GRIK2: variants seen among roughly 807,000 people sequenced by gnomAD.
GRIK2 encodes the protein glutamate receptor ionotropic, kainate 2.
Under a neutral mutation model 100.3 loss-of-function variants are expected in GRIK2, and 32 were observed. The observed-to-expected ratio is 0.32, with a 90% CI of 0.24 to 0.43. The LOEUF is 0.43. GRIK2 is among the 20% of genes least tolerant of loss of function. GRIK2 has a pLI of 1.00. For synonymous variants in GRIK2, 417 were observed against 389.4 expected (o/e 1.07, Z -0.83); for missense variants, 843 against 1,114.9 (o/e 0.76, Z 3.47).
intron 12 of GRIK2, among the ~76,000 whole-genome samples, chr6:101,906,366 C>CTGTGTGTG (rs141112872): frequency 1.0e-3 from 150 of 145,928 alleles, no homozygotes; most frequent in Non-Finnish European, 2.0e-3. Flanking sequence ...AAAACAAGAT[C>CTGTGTGTG]TGTGTGTGTG....
chr6:101,921,403 CAA>C (rs1213946845), intron 12 of GRIK2, among the ~76,000 whole-genome samples: 1 of 151,826 alleles, frequency 6.6e-6, no homozygotes, highest in Non-Finnish European at 1.5e-5. Flanking sequence ...TTTGGGGAAA[CAA>C]ATAATTGTAT....
intron 11 of GRIK2, among the ~76,000 whole-genome samples, chr6:101,875,167 T>A (rs780798600): frequency 3.3e-5 from 5 of 152,096 alleles, no homozygotes; most frequent in Non-Finnish European, 7.4e-5. Context: ...CATCCCTGCC[T>A]TGTGTAAACT....
chr6:101,587,588 C>T (rs1778441128), intron 2 of GRIK2, among the ~76,000 whole-genome samples: 1 of 151,930 alleles, frequency 6.6e-6, no homozygotes, highest in African/African-American at 2.4e-5. Context: ...GATTGGAAAC[C>T]ACAGTTAATT....
chr6:101,671,159 A>G (rs1437835216), intron 4 of GRIK2, among the ~76,000 whole-genome samples: 1 of 152,180 alleles, frequency 6.6e-6, no homozygotes, highest in Non-Finnish European at 1.5e-5. Flanking sequence ...GGAACAATTT[A>G]GGGGTAATCT....
At chr6:101,666,329 G>A (rs1770026914) in intron 4 of GRIK2, among the ~76,000 whole-genome samples, 1 of 152,190 alleles carries the variant, frequency 6.6e-6, no homozygotes. Flanking sequence ...CTGTAACAAT[G>A]TGCATGTAGT....
At chr6:101,702,354 A>G (rs776086420) in intron 7 of GRIK2, among the ~76,000 whole-genome samples, 6 of 151,956 alleles carry the variant, frequency 3.9e-5, no homozygotes, top group Non-Finnish European at 8.8e-5. Flanking sequence ...ACATTAATAC[A>G]TTTAGGAATA....
intron 2 of GRIK2, among the ~76,000 whole-genome samples, chr6:101,497,103 G>T (rs1360535755): frequency 1.3e-5 from 2 of 151,982 alleles, no homozygotes; most frequent in African/African-American, 4.8e-5. Context: ...ACACCCCAAG[G>T]TACTGTCTTT....
intron 14 of GRIK2, among the ~76,000 whole-genome samples, chr6:101,968,558 T>C (rs369408472): frequency 6.6e-6 from 1 of 152,030 alleles, no homozygotes; most frequent in East Asian, 1.9e-4. Flanking sequence ...TCCAGCACTC[T>C]ACAATATGAA....
chr6:102,034,224 A>G, intron 14 of GRIK2, among the ~76,000 whole-genome samples: 1 of 151,292 alleles, frequency 6.6e-6, no homozygotes, highest in Non-Finnish European at 1.5e-5. Flanking sequence ...GTAAATCATA[A>G]GGTACTTATT....
chr6:101,883,705 C>G (rs1486582224), intron 11 of GRIK2, among the ~76,000 whole-genome samples: 5 of 151,946 alleles, frequency 3.3e-5, no homozygotes, highest in Non-Finnish European at 5.9e-5. Flanking sequence ...AAAGAATAAG[C>G]CATTTGTGTG....
chr6:101,718,227 G>A (rs1774204100), intron 7 of GRIK2, among the ~76,000 whole-genome samples: 1 of 151,734 alleles, frequency 6.6e-6, no homozygotes, highest in Non-Finnish European at 1.5e-5. Context: ...GAAAAATAAA[G>A]AGAAATCATA....
At chr6:101,948,962 C>T (rs945644134) in intron 14 of GRIK2, among the ~76,000 whole-genome samples, 1 of 152,120 alleles carries the variant, frequency 6.6e-6, no homozygotes, top group African/African-American at 2.4e-5. Context: ...TAATTTCCTC[C>T]AGTCGTAGCA....
intron 10 of GRIK2, among the ~76,000 whole-genome samples, chr6:101,857,794 A>C (rs2128442455): frequency 6.6e-6 from 1 of 152,294 alleles, no homozygotes; most frequent in African/African-American, 2.4e-5. Flanking sequence ...CACTTAGTTA[A>C]ACATACAAAT....
intron 7 of GRIK2, among the ~76,000 whole-genome samples, chr6:101,794,344 T>C (rs6930278): frequency 0.41 from 62,050 of 151,842 alleles, 14,995 homozygotes; most frequent in East Asian, 0.85. Flanking sequence ...TCCTATTCGG[T>C]CATCTTGGCT....
chr6:101,629,364 C>T (rs1415907191), intron 4 of GRIK2, among the ~76,000 whole-genome samples: 1 of 151,976 alleles, frequency 6.6e-6, no homozygotes, highest in Non-Finnish European at 1.5e-5. Flanking sequence ...CCATTTTATG[C>T]AACATTTAAT....
intron 2 of GRIK2, among the ~76,000 whole-genome samples, chr6:101,553,192 A>G (rs1776591793): frequency 6.6e-6 from 1 of 152,236 alleles, no homozygotes; most frequent in Non-Finnish European, 1.5e-5. Context: ...ACTGAATATT[A>G]TAGGTTTAAT....
chr6:101,493,329 C>G lies in GRIK2; in HGVS notation c.115+93937C>G, dbSNP rs146888215. ...ACATTACAATGAAACTGCACGGTAT[C>G]AAGAAGTGACAAAAAAATTTTAGGA... is the stretch of plus-strand genomic sequence containing the variant. On this transcript the variant is annotated intron_variant, in intron 2 of 16. Coordinates refer to ENST00000369134, the MANE Select transcript of GRIK2 (RefSeq NM_021956.5). Among the ~76,000 whole-genome samples, 835 of 151,920 alleles carry G rather than the reference C, an allele frequency of 5.5e-3. 7 individuals carry two copies. Among genetic ancestry groups the G allele is most frequent in the African/African-American group, 0.019 (788 of 41,498 alleles).
Position 101,399,024 on chromosome 6 carries a change from T to C in GRIK2, c.-254T>C. 2.3e-6 allele frequency: 1 copy of C among 442,472 alleles called. No homozygotes were observed. Among genetic ancestry groups the C allele is most frequent in the East Asian group, 3.4e-5 (1 of 29,212 alleles). The allele number at this position is 442,472 out of a possible 1,614,324, so 27.4% of individuals were successfully genotyped here. A position where few individuals can be genotyped will look rare whatever the true frequency, so the allele number is the denominator to read the frequency against. Reference sequence around the variant, plus strand: ...ACATTGTGGGTGTGCGTGCTGGATTTCTCCCGGATGCTCTCCGACTAACAT... The same window carrying C: ...ACATTGTGGGTGTGCGTGCTGGATTCCTCCCGGATGCTCTCCGACTAACAT... On this transcript the variant is annotated 5_prime_UTR_variant, in exon 2 of 17. Transcript: ENST00000369134.
chr6:102,033,202 T>C (rs1770089185), intron 14 of GRIK2, among the ~76,000 whole-genome samples: 2 of 151,294 alleles, frequency 1.3e-5, no homozygotes, highest in South Asian at 4.1e-4. Flanking sequence ...TATATATGTG[T>C]AAACTTTTAT....
Sources: allele counts gnomAD v4.1 joint callset (sites outside exome capture counted in the v4.1 genomes callset), GRCh38; gene constraint gnomAD v4.1.1; transcripts MANE v1.5; gene names NCBI Gene and HGNC (gene_info 2026-07-23, HGNC 2026-07-21).